Variants in SPPL3 observed in about 807,000 individuals in gnomAD.
The protein encoded by SPPL3 is signal peptide peptidase like 3.
In SPPL3, 5 loss-of-function variants were observed where a neutral mutation model predicts 42.4. That is an observed-to-expected ratio of 0.12 (90% CI 0.06 to 0.25). SPPL3 has a LOEUF of 0.25. SPPL3 is among the 10% of genes least tolerant of loss of function. The probability of loss-of-function intolerance (pLI) is 1.00; values close to 1 mark genes in which losing one functional copy is unlikely to be tolerated. For missense variants in SPPL3, 235 were observed against 489.0 expected, an observed-to-expected ratio of 0.48 and a Z score of 4.90; for synonymous variants, 195 against 181.8, an observed-to-expected ratio of 1.07 and a Z score of -0.58.
chr12:120,764,063 C>CTAAT lies in SPPL3; in HGVS notation c.*932_*935dup, dbSNP rs1358181225. ...GCCAAAAGGTTTGAACTCTTCATCC[C>CTAAT]TAATTTGCTACACTGATCAAAACCA... On this transcript the variant is annotated 3_prime_UTR_variant, in exon 11 of 11. Transcript: ENST00000353487. The CTAAT allele has an allele frequency of 6.6e-6, 1 of 152,566 alleles. No individual in the cohort carries two copies. The highest frequency in any genetic ancestry group is 2.4e-5 in the African/African-American group (1 of 41,396). 9.5% of individuals were successfully genotyped at this position (152,566 alleles called of 1,614,324 possible). A position where few individuals can be genotyped will look rare whatever the true frequency, so the allele number is the denominator to read the frequency against.
intron 1 of SPPL3, among the ~76,000 whole-genome samples, chr12:120,840,792 AT>A (rs1871797693): frequency 6.6e-6 from 1 of 151,974 alleles, no homozygotes; most frequent in East Asian, 1.9e-4. Context: ...AGATTGTGCC[AT>A]TACACACCCC....
At chr12:120,887,479 C>T (rs1873502213) in intron 1 of SPPL3, among the ~76,000 whole-genome samples, 1 of 152,122 alleles carries the variant, frequency 6.6e-6, no homozygotes, top group Non-Finnish European at 1.5e-5. Flanking sequence ...ACTCCTAGTC[C>T]CAAGCTTACT....
Position 120,904,079 on chromosome 12 carries a change from G to GGGCTC in SPPL3, c.-217_-213dup. The GGGCTC allele has an allele frequency of 3.0e-6, 1 of 330,132 alleles. No individual in the cohort carries two copies. Among genetic ancestry groups the GGGCTC allele is most frequent in the South Asian group, 1.4e-4 (1 of 7,388 alleles). 20.5% of individuals were successfully genotyped at this position (330,132 alleles called of 1,614,324 possible). On this transcript the variant is annotated 5_prime_UTR_variant, in exon 1 of 11. Transcript: ENST00000353487. ...CGCTCCCTGGGCCCCGGGGCGGGGCGGGCTCCGCTCTCGGCCTCCCTCACC... is the reference window on the plus strand; with the variant it reads ...CGCTCCCTGGGCCCCGGGGCGGGGCGGGCTCGGCTCCGCTCTCGGCCTCCCTCACC...
At chr12:120,853,840 TC>T (rs1486476807) in intron 1 of SPPL3, among the ~76,000 whole-genome samples, 1 of 152,170 alleles carries the variant, frequency 6.6e-6, no homozygotes, top group Admixed American at 6.6e-5. Context: ...ATTCACATTT[TC>T]ATAGCAATTC....
At chr12:120,846,000 C>T (rs779389419) in intron 1 of SPPL3, among the ~76,000 whole-genome samples, 1 of 152,064 alleles carries the variant, frequency 6.6e-6, no homozygotes, top group Non-Finnish European at 1.5e-5. Context: ...CGGGTTCAAG[C>T]GATTCTTATA....
intron 2 of SPPL3, among the ~76,000 whole-genome samples, chr12:120,808,732 T>G (rs770458052): frequency 6.6e-6 from 1 of 152,146 alleles, no homozygotes; most frequent in Non-Finnish European, 1.5e-5. Flanking sequence ...AGTATTTGTC[T>G]GGTGCAAAGA....
intron 1 of SPPL3, among the ~76,000 whole-genome samples, chr12:120,900,462 G>A (rs566997389): frequency 4.6e-5 from 7 of 151,672 alleles, no homozygotes; most frequent in Non-Finnish European, 7.4e-5. Context: ...ATAATCAGCC[G>A]GGCGTGGTGG....
chr12:120,777,746 T>C (rs1023536606), intron 6 of SPPL3, among the ~76,000 whole-genome samples: 9 of 152,348 alleles, frequency 5.9e-5, no homozygotes, highest in South Asian at 4.1e-4. Context: ...CTGGTAGCCA[T>C]TGCACTTCAG....
chr12:120,836,544 A>G (rs185974199), intron 1 of SPPL3, among the ~76,000 whole-genome samples: 1 of 126,478 alleles, frequency 7.9e-6, no homozygotes, highest in Non-Finnish European at 1.7e-5. Flanking sequence ...CAAAGACAAA[A>G]CCATCCCAAC....
intron 2 of SPPL3, among the ~76,000 whole-genome samples, chr12:120,803,442 T>TGC (rs1232200583): frequency 6.6e-6 from 1 of 152,192 alleles, no homozygotes; most frequent in Non-Finnish European, 1.5e-5. Flanking sequence ...TGCATTCTGA[T>TGC]ACCTGAGGAC....
intron 1 of SPPL3, among the ~76,000 whole-genome samples, chr12:120,839,392 A>C (rs899153519): frequency 1.3e-4 from 19 of 149,226 alleles, no homozygotes; most frequent in Non-Finnish European, 2.5e-4. Context: ...TAGCATTAGG[A>C]GATATACCTA....
intron 6 of SPPL3, among the ~76,000 whole-genome samples, chr12:120,778,869 T>G (rs1274859335): frequency 2.0e-5 from 3 of 152,212 alleles, no homozygotes; most frequent in Non-Finnish European, 4.4e-5. Context: ...TTAAGATGAT[T>G]CTGATTCTGG....
chr12:120,847,200 A>G (rs1218234197), intron 1 of SPPL3, among the ~76,000 whole-genome samples: 1 of 152,248 alleles, frequency 6.6e-6, no homozygotes, highest in Non-Finnish European at 1.5e-5. Context: ...GGGAGATGTA[A>G]CATCAATTTC....
chr12:120,827,032 C>T (rs1871248885), intron 1 of SPPL3, among the ~76,000 whole-genome samples: 1 of 152,006 alleles, frequency 6.6e-6, no homozygotes, highest in African/African-American at 2.4e-5. Flanking sequence ...TTTCTACCAA[C>T]CCCGAGAATG....
At chr12:120,884,866 G>A (rs1873404935) in intron 1 of SPPL3, among the ~76,000 whole-genome samples, 1 of 142,026 alleles carries the variant, frequency 7.0e-6, no homozygotes, top group African/African-American at 2.6e-5. Context: ...TGGGTGACAA[G>A]TCACACCTAT....
chr12:120,867,376 TA>T (rs1246439567), intron 1 of SPPL3, among the ~76,000 whole-genome samples: 1 of 152,122 alleles, frequency 6.6e-6, no homozygotes, highest in African/African-American at 2.4e-5. Context: ...CAAAAATATT[TA>T]ATGGTGTAGC....
chr12:120,850,492 T>TAAAAAAAAAAA (rs11413210), intron 1 of SPPL3, among the ~76,000 whole-genome samples: 3 of 119,394 alleles, frequency 2.5e-5, no homozygotes, highest in Admixed American at 8.9e-5. Context: ...GACCAGCCTT[T>TAAAAAAAAAAA]AAAAAAAAAA....
intron 2 of SPPL3, among the ~76,000 whole-genome samples, chr12:120,806,056 A>T (rs890597156): frequency 4.0e-5 from 6 of 150,674 alleles, no homozygotes; most frequent in African/African-American, 1.2e-4. Context: ...TTTATATGGA[A>T]ATGCAAAGGA....
rs552339801 is a variant in SPPL3 at position 120,806,576 on chromosome 12, C to T, written c.101+4233G>A. ...AAAGAAAACGTAGGAGAGCCAGGCG[C>T]GGTGGCTCACGCCTGTAATCCCAGT... On this transcript the variant is annotated intron_variant, in intron 2 of 10. Transcript: ENST00000353487. 1.6e-4 allele frequency among the ~76,000 whole-genome samples: 25 copies of T among 152,160 alleles called. No homozygotes were observed. The South Asian group carries it at 3.5e-3, about 22-fold the overall frequency.
Sources: gnomAD v4.1 joint callset for allele counts (sites outside exome capture counted in the v4.1 genomes callset) on GRCh38, gnomAD v4.1.1 for gene constraint, MANE v1.5 for transcripts, NCBI Gene and HGNC (gene_info 2026-07-23, HGNC 2026-07-21) for gene names.